Variants in LYRM7 observed in about 807,000 individuals in gnomAD.
LYRM7 encodes the protein LYR motif containing 7.
In LYRM7, 9 loss-of-function variants were observed where a neutral mutation model predicts 15.8. That is an observed-to-expected ratio of 0.57 (90% CI 0.34 to 0.99). LYRM7 has a LOEUF of 0.99. Ranked by LOEUF, LYRM7 falls within the 50% of genes least tolerant of loss-of-function variation. The pLI is 0.02. For synonymous variants in LYRM7, 39 were observed against 39.4 expected (o/e 0.99, Z 0.04); for missense variants, 115 against 119.1 (o/e 0.97, Z 0.16).
chr5:131,179,232 G>T (rs552024582), intron 1 of LYRM7, among the ~76,000 whole-genome samples: 43 of 151,838 alleles, frequency 2.8e-4, no homozygotes, highest in Non-Finnish European at 4.7e-4. Flanking sequence ...AAAGAACTTT[G>T]TATTATTTTT....
At chr5:131,174,009 A>T (rs1338529232) in intron 1 of LYRM7, among the ~76,000 whole-genome samples, 2 of 152,220 alleles carry the variant, frequency 1.3e-5, no homozygotes, top group Non-Finnish European at 2.9e-5. Context: ...TATCTGTAGC[A>T]TGCAATGCTG....
rs902654621 is a variant in LYRM7, at chr5:131,204,112, T to C, written c.*4511T>C. 1 of 151,734 alleles carries C rather than the reference T, an allele frequency of 6.6e-6. No homozygotes were observed. The highest frequency in any genetic ancestry group is 2.4e-5 in the African/African-American group (1 of 41,374). The allele number at this position is 151,734 out of a possible 1,614,324, so 9.4% of individuals were successfully genotyped here. A position where few individuals can be genotyped will look rare whatever the true frequency, so the allele number is the denominator to read the frequency against. ...CCTTTTGTTTCTTTGGGTTTTTTTTTTTTAGAGACAAGATCTCTCCGTGTT... is the reference window on the plus strand; with the variant it reads ...CCTTTTGTTTCTTTGGGTTTTTTTTCTTTAGAGACAAGATCTCTCCGTGTT... On this transcript the variant is annotated 3_prime_UTR_variant, in exon 5 of 5. Transcript: ENST00000379380.
rs1457449053 is a variant in LYRM7 at position 131,187,252 on chromosome 5, A to G, written c.244+143A>G. 9.9e-6 allele frequency: 5 copies of G among 506,678 alleles called. No individual in the cohort carries two copies. The African/African-American group carries it at 9.9e-5, about 10-fold the overall frequency. 31.4% of individuals were successfully genotyped at this position (506,678 alleles called of 1,614,324 possible). On this transcript the variant is annotated intron_variant, in intron 4 of 4. Coordinates refer to ENST00000379380, the MANE Select transcript of LYRM7 (RefSeq NM_181705.4). Reference sequence around the variant, plus strand: ...TATAGCATATATATTTTACAAGGTTATAGTCTATAAGACTGAATTATGAAA... The same window carrying G: ...TATAGCATATATATTTTACAAGGTTGTAGTCTATAAGACTGAATTATGAAA...
chr5:131,204,275 T>C lies in LYRM7; in HGVS notation c.*4674T>C, dbSNP rs1036999683. On this transcript the variant is annotated 3_prime_UTR_variant, in exon 5 of 5. Coordinates refer to ENST00000379380, the MANE Select transcript of LYRM7 (RefSeq NM_181705.4). ...ATTGACATCATCAAAATTTTAAATA[T>C]ATTCAGTCTATTTCTCAAAAACTCA... 16 of 151,964 alleles carry C rather than the reference T, an allele frequency of 1.1e-4. No homozygotes were observed. Among genetic ancestry groups the C allele is most frequent in the African/African-American group, 3.9e-4 (16 of 41,298 alleles). The allele number at this position is 151,964 out of a possible 1,614,324, so 9.4% of individuals were successfully genotyped here.
At chr5:131,195,913 A>G (rs956541123) in intron 4 of LYRM7, among the ~76,000 whole-genome samples, 7 of 152,118 alleles carry the variant, frequency 4.6e-5, no homozygotes, top group African/African-American at 1.4e-4. Flanking sequence ...ACCTTAGAAC[A>G]ATGAGGCTCA....
chr5:131,189,090 G>A (rs1228978573), intron 4 of LYRM7, among the ~76,000 whole-genome samples: 1 of 151,538 alleles, frequency 6.6e-6, no homozygotes, highest in African/African-American at 2.4e-5. Flanking sequence ...AGGCTGCAGT[G>A]AGCCAAGATC....
chr5:131,184,454 GC>G (rs1374028421), intron 3 of LYRM7, among the ~76,000 whole-genome samples: 1 of 152,066 alleles, frequency 6.6e-6, no homozygotes, highest in East Asian at 1.9e-4. Context: ...CGACCCTCCT[GC>G]CTTAGCCTCC....
In LYRM7 at chr5:131,204,740, A is replaced by AGTGTGTGTGTG. The variant is rs1212072260; in HGVS notation, c.*5139_*5140insGTGTGTGTGTG. 3.4e-3 allele frequency: 386 copies of AGTGTGTGTGTG among 114,316 alleles called. 4 individuals carry two copies. Among genetic ancestry groups the AGTGTGTGTGTG allele is most frequent in the African/African-American group, 0.021 (366 of 17,630 alleles). 7.1% of individuals were successfully genotyped at this position (114,316 alleles called of 1,614,324 possible). A position where few individuals can be genotyped will look rare whatever the true frequency, so the allele number is the denominator to read the frequency against. Reference sequence around the variant, plus strand: ...CAAGCATTTCAGAAAACGGATGTTCATTTGTGTGTGTGTGTGTGTGTAAGC... The same window carrying AGTGTGTGTGTG: ...CAAGCATTTCAGAAAACGGATGTTCAGTGTGTGTGTGTTTGTGTGTGTGTGTGTGTGTAAGC... On this transcript the variant is annotated 3_prime_UTR_variant, in exon 5 of 5. Coordinates refer to ENST00000379380, the MANE Select transcript of LYRM7 (RefSeq NM_181705.4).
chr5:131,174,528 T>A (rs894684522), intron 1 of LYRM7, among the ~76,000 whole-genome samples: 2 of 152,222 alleles, frequency 1.3e-5, no homozygotes, highest in African/African-American at 4.8e-5. Context: ...GGAATCACTG[T>A]CTATGGCAGC....
intron 4 of LYRM7, among the ~76,000 whole-genome samples, chr5:131,190,697 G>C (rs1366850247): frequency 1.3e-5 from 2 of 151,642 alleles, no homozygotes; most frequent in Non-Finnish European, 2.9e-5. Context: ...CACCATGTTG[G>C]CCAGGCTGGT....
At chr5:131,196,143 G>A (rs1475403606) in intron 4 of LYRM7, among the ~76,000 whole-genome samples, 12 of 135,562 alleles carry the variant, frequency 8.9e-5, no homozygotes, top group Non-Finnish European at 1.4e-4. Flanking sequence ...TCCTTCTGTC[G>A]CTCAGGCTGG....
chr5:131,196,549 A>G (rs1755968373), intron 4 of LYRM7, among the ~76,000 whole-genome samples: 1 of 152,058 alleles, frequency 6.6e-6, no homozygotes, highest in Non-Finnish European at 1.5e-5. Context: ...ATGTGATATG[A>G]CAAGCAGCAG....
chr5:131,193,877 C>T (rs1755923359), intron 4 of LYRM7, among the ~76,000 whole-genome samples: 1 of 152,038 alleles, frequency 6.6e-6, no homozygotes, highest in Non-Finnish European at 1.5e-5. Flanking sequence ...GGCATGGTGG[C>T]ACATGCTTGT....
intron 4 of LYRM7, among the ~76,000 whole-genome samples, chr5:131,193,961 A>G (rs1045584821): frequency 2.0e-5 from 3 of 152,096 alleles, no homozygotes; most frequent in African/African-American, 7.2e-5. Context: ...GTGAGCCGAG[A>G]TTGCGCCATT....
chr5:131,176,388 CTT>C (rs769128404), intron 1 of LYRM7, among the ~76,000 whole-genome samples: 81 of 152,166 alleles, frequency 5.3e-4, no homozygotes, highest in Middle Eastern at 3.4e-3. Flanking sequence ...CTTGTCAACT[CTT>C]TTTATTGACT....
rs1010915294 is a variant in LYRM7, at chr5:131,204,464, G to A, written c.*4863G>A. 2.5e-5 allele frequency: 3 copies of A among 122,340 alleles called. No homozygotes were observed. Among genetic ancestry groups the A allele is most frequent in the African/African-American group, 6.3e-5 (2 of 31,788 alleles). 7.6% of individuals were successfully genotyped at this position (122,340 alleles called of 1,614,324 possible). ...ATTTTCCAAGAGTTGAAAAGGATGA[G>A]GATACACACACACACACACACACAC... On this transcript the variant is annotated 3_prime_UTR_variant, in exon 5 of 5. Transcript: ENST00000379380.
intron 4 of LYRM7, among the ~76,000 whole-genome samples, chr5:131,198,547 G>A (rs990077003): frequency 5.9e-5 from 9 of 151,984 alleles, no homozygotes; most frequent in Non-Finnish European, 5.9e-5. Flanking sequence ...AGAAATCAAT[G>A]TATCTCCTCA....
At position 131,182,316 on chromosome 5, in the gene LYRM7, A is replaced by G. The variant is rs762725490; in HGVS notation, c.162+17A>G. On this transcript the variant is annotated intron_variant, in intron 3 of 4. Transcript: ENST00000379380. Reference sequence around the variant, plus strand: ...ATAGAAGAGGTACAGTAATTTTTTCAATTATAGTAAAACTTATACAATTAT... The same window carrying G: ...ATAGAAGAGGTACAGTAATTTTTTCGATTATAGTAAAACTTATACAATTAT... 7.1e-5 allele frequency: 97 copies of G among 1,368,812 alleles called. No individual in the cohort carries two copies. The highest frequency in any genetic ancestry group is 6.7e-4 in the Middle Eastern group (3 of 4,498). 84.8% of individuals were successfully genotyped at this position (1,368,812 alleles called of 1,614,324 possible).
chr5:131,182,613 G>T (rs1196219763), intron 3 of LYRM7, among the ~76,000 whole-genome samples: 2 of 152,230 alleles, frequency 1.3e-5, no homozygotes, highest in Non-Finnish European at 2.9e-5. Context: ...AAGAGAATGA[G>T]TGTTGTAGTA....
Sources: allele counts gnomAD v4.1 joint callset (sites outside exome capture counted in the v4.1 genomes callset), GRCh38; gene constraint gnomAD v4.1.1; transcripts MANE v1.5; gene names NCBI Gene and HGNC (gene_info 2026-07-23, HGNC 2026-07-21).